The following UBAC2 variants were observed in gnomAD, a reference collection of about 807,000 sequenced individuals.
UBAC2 encodes ubiquitin-associated domain-containing protein 2.
Under a neutral mutation model 44.0 loss-of-function variants are expected in UBAC2, and 26 were observed. The ratio of observed to expected loss-of-function variants is 0.59; its 90% CI spans 0.43 to 0.82. The LOEUF (loss-of-function observed/expected upper bound fraction) is 0.82, where lower values mean the gene tolerates loss of function less well. Among genes scored for constraint, UBAC2 ranks in the 40% least tolerant of loss-of-function variants. The pLI, the probability that UBAC2 is intolerant of heterozygous loss-of-function variation, is 0.00. For missense variants in UBAC2, 329 were observed against 419.4 expected, an observed-to-expected ratio of 0.78 and a Z score of 1.88; for synonymous variants, 155 against 154.3, an observed-to-expected ratio of 1.00 and a Z score of -0.04.
chr13:99,215,573 G>T, intron 1 of UBAC2: 1 of 1,389,480 alleles, frequency 7.2e-7, no homozygotes, highest in South Asian at 1.2e-5. Flanking sequence ...CCTCTGCGGT[G>T]AGGTACTCCA....
At chr13:99,203,611 T>C (rs781052082) in intron 1 of UBAC2, among the ~76,000 whole-genome samples, 2 of 152,208 alleles carry the variant, frequency 1.3e-5, no homozygotes, top group Non-Finnish European at 2.9e-5. Flanking sequence ...ACTGTTGATA[T>C]ACAGAGGATA....
intron 1 of UBAC2, among the ~76,000 whole-genome samples, chr13:99,205,031 G>C (rs554961841): frequency 1.3e-4 from 20 of 150,756 alleles, no homozygotes; most frequent in Middle Eastern, 6.8e-3. Context: ...AGCATCCTGA[G>C]TAGCAGGGAC....
chr13:99,334,032 C>T (rs976335342), intron 6 of UBAC2, among the ~76,000 whole-genome samples: 4 of 152,196 alleles, frequency 2.6e-5, no homozygotes, highest in East Asian at 1.9e-4. Context: ...ACTACAACCT[C>T]GAATTCTTGG....
intron 1 of UBAC2, among the ~76,000 whole-genome samples, chr13:99,207,468 C>T (rs1593993659): frequency 6.6e-6 from 1 of 152,288 alleles, no homozygotes; most frequent in East Asian, 1.9e-4. Flanking sequence ...AGGTGATCTT[C>T]CCTTATTTTT....
intron 4 of UBAC2, among the ~76,000 whole-genome samples, chr13:99,260,629 G>A (rs1927726): frequency 0.83 from 125,896 of 152,174 alleles, 52,508 homozygotes; most frequent in Middle Eastern, 0.92. Context: ...AAACTGCCCA[G>A]TCATTTGACA....
Position 99,269,306 on chromosome 13 carries a change from G to C in UBAC2, c.389+24682G>C, listed in dbSNP as rs1389459989. ...ATTGTGAGATTCATAAGTAGGCTTA[G>C]AGAACTAGAGAAATTAATTGGAGTC... On this transcript the variant is annotated intron_variant, in intron 4 of 8. Transcript: ENST00000403766. 2.0e-5 allele frequency among the ~76,000 whole-genome samples: 3 copies of C among 152,290 alleles called. No homozygotes were observed. The East Asian group carries it at 5.8e-4, about 29-fold the overall frequency.
chr13:99,270,610 C>T (rs542333435), intron 4 of UBAC2, among the ~76,000 whole-genome samples: 10 of 152,198 alleles, frequency 6.6e-5, no homozygotes, highest in Middle Eastern at 3.4e-3. Flanking sequence ...AAGTAGGGAA[C>T]GAGAGTTTGT....
chr13:99,345,981 T>A (rs2390240), intron 7 of UBAC2, among the ~76,000 whole-genome samples: 13,842 of 152,166 alleles, frequency 0.091, 678 homozygotes, highest in East Asian at 0.13. Flanking sequence ...GACCTCATGA[T>A]CCACTTGCCT....
chr13:99,259,745 C>G, intron 4 of UBAC2, among the ~76,000 whole-genome samples: 1 of 152,194 alleles, frequency 6.6e-6, no homozygotes, highest in East Asian at 1.9e-4. Context: ...CTAATCTGTC[C>G]TTTGCCTTAT....
intron 4 of UBAC2, among the ~76,000 whole-genome samples, chr13:99,283,462 A>G (rs563076626): frequency 2.0e-5 from 3 of 152,084 alleles, no homozygotes; most frequent in Non-Finnish European, 1.5e-5. Context: ...TAATAAATTT[A>G]TATTGAACAA....
intron 1 of UBAC2, among the ~76,000 whole-genome samples, chr13:99,231,672 A>G (rs979821391): frequency 1.3e-5 from 2 of 151,830 alleles, no homozygotes; most frequent in South Asian, 2.1e-4. Flanking sequence ...CGGCCTCCCA[A>G]AGTGCTGGGA....
In UBAC2 at chr13:99,314,159, C is replaced by A; in HGVS notation, c.452C>A (p.Ala151Glu). ...FYCSIPRVQV[A>E]QILGPLSITN... is the part of the protein sequence containing the mutation. ...TGCTCCATACCAAGAGTCCAAGTGG[C>A]ACAAATTCTGGGTCCGTTGTCCATC... The change falls in exon 5 of 9, where the codon GCA becomes GAA. Residue 151 changes from alanine (A) to glutamate (E), a missense_variant. Coordinates refer to ENST00000403766, the MANE Select transcript of UBAC2 (RefSeq NM_001144072.2). 6.2e-7 allele frequency: 1 copy of A among 1,613,634 alleles called. No homozygotes were observed. The highest frequency in any genetic ancestry group is 1.7e-4 in the Middle Eastern group (1 of 6,060).
At chr13:99,345,741 C>CTTT (rs766632532) in intron 7 of UBAC2, among the ~76,000 whole-genome samples, 23 of 130,930 alleles carry the variant, frequency 1.8e-4, no homozygotes, top group South Asian at 1.2e-3. Context: ...TTTTTTCTTT[C>CTTT]TTTTTTTTTT....
At chr13:99,266,930 G>A (rs569588115) in intron 4 of UBAC2, among the ~76,000 whole-genome samples, 3 of 152,138 alleles carry the variant, frequency 2.0e-5, no homozygotes, top group Admixed American at 6.5e-5. Flanking sequence ...AGTTTGTTGG[G>A]GAATGGCTGT....
At chr13:99,372,410 TAAGGGAGGCAAGGAG>T (rs2045418895) in intron 8 of UBAC2, 1 of 154,750 alleles carries the variant, frequency 6.5e-6, no homozygotes, top group South Asian at 2.0e-4. Flanking sequence ...ATGGACCAGC[TAAGGGAGGCAAGGAG>T]AAGGCCCCTA....
At chr13:99,233,480 T>C (rs2043199093) in intron 1 of UBAC2, among the ~76,000 whole-genome samples, 1 of 152,104 alleles carries the variant, frequency 6.6e-6, no homozygotes, top group South Asian at 2.1e-4. Context: ...TTCTAGGTCT[T>C]GGGCAGGGCG....
chr13:99,284,285 A>G (rs11620316), intron 4 of UBAC2, among the ~76,000 whole-genome samples: 11,811 of 152,340 alleles, frequency 0.078, 623 homozygotes, highest in East Asian at 0.13. Flanking sequence ...AAGAAGCACT[A>G]TATGACACTC....
At chr13:99,293,231 G>T (rs898840742) in intron 4 of UBAC2, among the ~76,000 whole-genome samples, 1 of 152,140 alleles carries the variant, frequency 6.6e-6, no homozygotes, top group Admixed American at 6.5e-5. Flanking sequence ...ACAGATAAAA[G>T]AATGTTATTC....
At chr13:99,280,609 T>C (rs2043940002) in intron 4 of UBAC2, among the ~76,000 whole-genome samples, 2 of 152,232 alleles carry the variant, frequency 1.3e-5, no homozygotes, top group African/African-American at 2.4e-5. Context: ...CTCTCTCAAC[T>C]GGATGCTTTT....
Sources: gnomAD v4.1 joint callset for allele counts (sites outside exome capture counted in the v4.1 genomes callset) on GRCh38, gnomAD v4.1.1 for gene constraint, MANE v1.5 for transcripts, NCBI Gene and HGNC (gene_info 2026-07-23, HGNC 2026-07-21) for gene names.